Variants in CHIC1 observed in about 807,000 individuals in gnomAD.
The protein encoded by CHIC1 is cysteine rich hydrophobic domain 1, also known as cysteine-rich hydrophobic domain-containing protein 1.
CHIC1 carries 7 observed loss-of-function variants against 18.5 expected under a neutral mutation model. The observed-to-expected ratio is 0.38, with a 90% CI of 0.22 to 0.71. The LOEUF (loss-of-function observed/expected upper bound fraction) is 0.71. CHIC1 is among the 30% of genes least tolerant of loss of function. CHIC1 has a pLI of 0.49. For synonymous variants in CHIC1, 77 were observed against 73.5 expected, an observed-to-expected ratio of 1.05 and a Z score of -0.25; for missense variants, 159 against 176.9, an observed-to-expected ratio of 0.90 and a Z score of 0.57.
chrX:73,638,131 G>A (rs746741052), intron 3 of CHIC1, among the ~76,000 whole-genome samples: 6 of 111,531 alleles, frequency 5.4e-5, no homozygotes, highest in South Asian at 3.8e-4. Flanking sequence ...TCAATTCCCC[G>A]TATACATGAC....
rs1349654376 is a variant in CHIC1 at position 73,632,948 on chromosome X, T to G, written c.508-46378T>G. On this transcript the variant is annotated intron_variant, in intron 3 of 5. Transcript: ENST00000373502. ...CACGCCCAGCTAATTTTTTGTATTT[T>G]TAGTTGAGATGGGGTTTCACCGTGT... Among the ~76,000 whole-genome samples the G allele has an allele frequency of 8.4e-5, 9 of 107,515 alleles. No individual in the cohort carries two copies. The East Asian group carries it at 2.6e-3, about 31-fold the overall frequency. 93.4% of individuals were successfully genotyped at this position (107,515 alleles called of 115,157 possible).
At chrX:73,564,412 A>G (rs922976974) in intron 1 of CHIC1, among the ~76,000 whole-genome samples, 5 of 112,022 alleles carry the variant, frequency 4.5e-5, no homozygotes, top group African/African-American at 1.6e-4. Flanking sequence ...TTTCTTTAAA[A>G]TTTATCCAGG....
At chrX:73,599,183 G>A (rs188985986) in intron 3 of CHIC1, among the ~76,000 whole-genome samples, 2 of 110,475 alleles carry the variant, frequency 1.8e-5, no homozygotes, top group East Asian at 5.8e-4. Context: ...GGCGTTGTTT[G>A]TTTTTTTCTT....
intron 3 of CHIC1, among the ~76,000 whole-genome samples, chrX:73,628,988 CTTG>C (rs2147590984): frequency 9.0e-6 from 1 of 111,213 alleles, no homozygotes; most frequent in Admixed American, 9.5e-5. Context: ...CTTGCCCACA[CTTG>C]TTATCTTTTT....
intron 1 of CHIC1, among the ~76,000 whole-genome samples, chrX:73,574,287 G>A (rs183601235): frequency 2.7e-5 from 3 of 110,727 alleles, no homozygotes; most frequent in Admixed American, 9.6e-5. Context: ...CTGTTTGATC[G>A]TGGTGAATTA....
intron 3 of CHIC1, among the ~76,000 whole-genome samples, chrX:73,600,909 C>G (rs1330938705): frequency 2.8e-5 from 3 of 107,405 alleles, no homozygotes; most frequent in African/African-American, 1.1e-4. Context: ...GGGTTGCAAT[C>G]CTAGTCTCTG....
At chrX:73,655,385 GTA>G (rs199605074) in intron 3 of CHIC1, among the ~76,000 whole-genome samples, 1 of 97,494 alleles carries the variant, frequency 1.0e-5, no homozygotes, top group Non-Finnish European at 2.1e-5. Flanking sequence ...TTGTGGGTGT[GTA>G]TATATATGTA....
At chrX:73,573,212 A>G (rs767569154) in intron 1 of CHIC1, among the ~76,000 whole-genome samples, 187 of 111,164 alleles carry the variant, frequency 1.7e-3, no homozygotes, top group Non-Finnish European at 3.1e-3. Context: ...GCCCTTCTCC[A>G]TTACTCAGAT....
intron 3 of CHIC1, among the ~76,000 whole-genome samples, chrX:73,669,067 T>G (rs971583344): frequency 1.8e-5 from 2 of 111,546 alleles, no homozygotes; most frequent in Non-Finnish European, 3.8e-5. Flanking sequence ...GAGGAGTGGA[T>G]CAGGGTCCCA....
intron 3 of CHIC1, among the ~76,000 whole-genome samples, chrX:73,619,166 T>C (rs1426403790): frequency 8.9e-6 from 1 of 111,768 alleles, no homozygotes; most frequent in African/African-American, 3.3e-5. Flanking sequence ...TCTCCCGGGG[T>C]ATGCAGGAGC....
rs2058111885 is a variant in CHIC1 at position 73,684,228 on chromosome X, CAT to C, written c.*3224_*3225del. The C allele has an allele frequency of 9.0e-6, 1 of 110,657 alleles. No individual in the cohort carries two copies. The highest frequency in any genetic ancestry group is 9.7e-5 in the Admixed American group (1 of 10,322). 9.1% of individuals were successfully genotyped at this position (110,657 alleles called of 1,213,427 possible). On this transcript the variant is annotated 3_prime_UTR_variant, in exon 6 of 6. Transcript: ENST00000373502. ...ACAGTATAATTCTAATGCTAGTAAA[CAT>C]GTAATTTAATTTAGTTCTGGAAGGA...
intron 1 of CHIC1, among the ~76,000 whole-genome samples, chrX:73,575,269 A>T (rs1250024212): frequency 9.1e-6 from 1 of 110,286 alleles, no homozygotes; most frequent in African/African-American, 3.3e-5. Context: ...TTTATTTTTT[A>T]AATTTTTTTC....
rs1017019264 is a variant in CHIC1 at position 73,683,178 on chromosome X, T to C, written c.*2173T>C. ...TACAGTATATCTGGAAATGACACAG[T>C]ATAATACAAGTTACAGTAGCATTTG... is the stretch of plus-strand genomic sequence containing the variant. On this transcript the variant is annotated 3_prime_UTR_variant, in exon 6 of 6. Coordinates refer to ENST00000373502, the MANE Select transcript of CHIC1 (RefSeq NM_001039840.4). The C allele has an allele frequency of 1.8e-5, 2 of 111,089 alleles. No individual in the cohort carries two copies. Among genetic ancestry groups the C allele is most frequent in the African/African-American group, 6.5e-5 (2 of 30,692 alleles). 9.2% of individuals were successfully genotyped at this position (111,089 alleles called of 1,213,427 possible).
chrX:73,603,592 A>G (rs2057663114), intron 3 of CHIC1, among the ~76,000 whole-genome samples: 2 of 108,541 alleles, frequency 1.8e-5, no homozygotes, highest in African/African-American at 7.2e-5. Flanking sequence ...TTTCAAAGGG[A>G]ATGCTTCCAG....
intron 3 of CHIC1, among the ~76,000 whole-genome samples, chrX:73,663,762 C>T (rs1283462410): frequency 1.8e-5 from 2 of 111,359 alleles, no homozygotes; most frequent in African/African-American, 6.5e-5. Flanking sequence ...CAAAACTTCC[C>T]TTTCCCCTTT....
chrX:73,667,815 A>C (rs1013745807), intron 3 of CHIC1, among the ~76,000 whole-genome samples: 1 of 109,286 alleles, frequency 9.2e-6, no homozygotes. Flanking sequence ...TCTCATTTCA[A>C]CCTTGGAGAA....
intron 3 of CHIC1, among the ~76,000 whole-genome samples, chrX:73,595,636 C>T (rs928436481): frequency 9.0e-5 from 10 of 111,333 alleles, no homozygotes; most frequent in African/African-American, 2.6e-4. Flanking sequence ...AATAAACATA[C>T]GTGTGCATGT....
At chrX:73,639,727 G>C (rs763859004) in intron 3 of CHIC1, among the ~76,000 whole-genome samples, 1 of 111,447 alleles carries the variant, frequency 9.0e-6, no homozygotes, top group Non-Finnish European at 1.9e-5. Context: ...TGTAACTCTT[G>C]TTGTAGAGGT....
At chrX:73,663,082 A>G (rs750732530) in intron 3 of CHIC1, among the ~76,000 whole-genome samples, 2 of 111,714 alleles carry the variant, frequency 1.8e-5, no homozygotes, top group Non-Finnish European at 3.8e-5. Flanking sequence ...TTTTAAGTCA[A>G]TAACAACTAA....
Sources: allele counts gnomAD v4.1 joint callset (sites outside exome capture counted in the v4.1 genomes callset), GRCh38; gene constraint gnomAD v4.1.1; transcripts MANE v1.5; gene names NCBI Gene and HGNC (gene_info 2026-07-23, HGNC 2026-07-21).